Variants in GSR observed in about 807,000 individuals in gnomAD.
GSR encodes the protein glutathione reductase, mitochondrial.
GSR carries 48 observed loss-of-function variants against 56.5 expected under a neutral mutation model. The observed-to-expected ratio is 0.85, with a 90% CI of 0.67 to 1.08. The LOEUF (loss-of-function observed/expected upper bound fraction) is 1.08. GSR is among the 50% of genes least tolerant of loss of function. GSR has a pLI of 0.00. For missense variants in GSR, 694 were observed against 703.3 expected, an observed-to-expected ratio of 0.99 and a Z score of 0.15; for synonymous variants, 264 against 270.8, an observed-to-expected ratio of 0.97 and a Z score of 0.25.
intron 7 of GSR, among the ~76,000 whole-genome samples, chr8:30,694,888 ACT>A (rs1157899728): frequency 8.7e-6 from 1 of 114,438 alleles, no homozygotes; most frequent in Non-Finnish European, 1.8e-5. Context: ...ACACAGTGAG[ACT>A]CTGTCTCAAA....
chr8:30,710,437 C>T (rs1448379169), intron 2 of GSR, among the ~76,000 whole-genome samples: 1 of 151,158 alleles, frequency 6.6e-6, no homozygotes, highest in East Asian at 1.9e-4. Flanking sequence ...AAACACAAGG[C>T]CGGGCACAGT....
intron 2 of GSR, among the ~76,000 whole-genome samples, chr8:30,711,010 A>G (rs1014282206): frequency 2.6e-5 from 4 of 152,124 alleles, no homozygotes; most frequent in African/African-American, 9.7e-5. Flanking sequence ...CTCCAAGTAG[A>G]ACAGATTACA....
chr8:30,711,705 C>A, intron 2 of GSR, among the ~76,000 whole-genome samples: 1 of 152,038 alleles, frequency 6.6e-6, no homozygotes, highest in Non-Finnish European at 1.5e-5. Flanking sequence ...CAGTGGCGCA[C>A]GCCTGTCATC....
Position 30,709,875 on chromosome 8 carries a change from C to T in GSR, c.361G>A (p.Glu121Lys). The change falls in exon 3 of 13, where the codon GAA becomes AAA. Residue 121 changes from glutamate (E) to lysine (K), a missense_variant. Glu to Lys is a moderately conservative substitution (Grantham distance 56). Transcript: ENST00000221130. ...KVMWNTAVHS[E>K]FMHDHADYGF... ...TAATCAGCATGATCATGCATGAATT[C>T]AGAGTGGACAGCTGTGTTCCACATT... 4.2e-6 allele frequency: 6 copies of T among 1,441,782 alleles called. No homozygotes were observed. Among genetic ancestry groups the T allele is most frequent in the Non-Finnish European group, 5.8e-6 (6 of 1,034,330 alleles). 89.3% of individuals were successfully genotyped at this position (1,441,782 alleles called of 1,614,324 possible). A position where few individuals can be genotyped will look rare whatever the true frequency, so the allele number is the denominator to read the frequency against.
chr8:30,686,616 G>A (rs1423035062), intron 9 of GSR, among the ~76,000 whole-genome samples: 1 of 152,106 alleles, frequency 6.6e-6, no homozygotes, highest in Non-Finnish European at 1.5e-5. Context: ...GAGCCCAGGA[G>A]TTTGATGCTG....
intron 4 of GSR, among the ~76,000 whole-genome samples, chr8:30,705,100 T>A (rs1454627331): frequency 6.6e-6 from 1 of 151,298 alleles, no homozygotes; most frequent in African/African-American, 2.4e-5. Context: ...TTTTCCTACC[T>A]CTTTTGCAAA....
Position 30,679,167 on chromosome 8 carries a change from AAG to A in GSR, c.*351_*352del. The A allele has an allele frequency of 4.6e-6, 1 of 215,602 alleles. No homozygotes were observed. Among genetic ancestry groups the A allele is most frequent in the Non-Finnish European group, 9.2e-6 (1 of 108,158 alleles). 13.4% of individuals were successfully genotyped at this position (215,602 alleles called of 1,614,324 possible). On this transcript the variant is annotated 3_prime_UTR_variant, in exon 13 of 13. Transcript: ENST00000221130. ...TCTGTCTCAAAAAAAAAAAAAAAAA[AAG>A]TAGCAAGTTCTATTCATTCAAGTAC...
chr8:30,696,462 C>T lies in GSR; in HGVS notation c.713G>A (p.Gly238Asp). The change falls in exon 7 of 13, where the codon GGT (glycine) becomes GAT (aspartate). Residue 238 changes from glycine to aspartate, a missense_variant. By Grantham distance (94) the Gly-to-Asp change is moderately conservative. Coordinates refer to ENST00000221130, the MANE Select transcript of GSR (RefSeq NM_000637.5). ...EELPGRSVIV[G>D]AGYIAVEMAG... ...CATCTCCACAGCAATGTAACCTGCA[C>T]CAACAATGACGCTGCGGCTGAGACG... The T allele has an allele frequency of 6.2e-7, 1 of 1,612,274 alleles. No individual in the cohort carries two copies. The highest frequency in any genetic ancestry group is 8.5e-7 in the Non-Finnish European group (1 of 1,178,326).
intron 1 of GSR, 42 bp from the exon 2 acceptor site, chr8:30,712,130 T>A: frequency 9.2e-7 from 1 of 1,081,620 alleles, no homozygotes; most frequent in Non-Finnish European, 1.4e-6. Context: ...AATATTGAAT[T>A]CAAACCATCA....
chr8:30,700,788 G>C (rs574811710), intron 5 of GSR, among the ~76,000 whole-genome samples: 1 of 144,868 alleles, frequency 6.9e-6, no homozygotes, highest in South Asian at 2.2e-4. Context: ...TTCTTTCAAA[G>C]GTTTCAACCT....
At chr8:30,722,137 G>C (rs1237447384) in intron 1 of GSR, among the ~76,000 whole-genome samples, 1 of 152,160 alleles carries the variant, frequency 6.6e-6, no homozygotes. Context: ...TGGGTTTTGA[G>C]GCAGATGGCA....
At chr8:30,716,840 C>T (rs1804348937) in intron 1 of GSR, among the ~76,000 whole-genome samples, 1 of 152,008 alleles carries the variant, frequency 6.6e-6, no homozygotes, top group East Asian at 1.9e-4. Flanking sequence ...CCAGTGAGAG[C>T]TGGGGAGGCC....
At chr8:30,724,447 C>T (rs1804656480) in intron 1 of GSR, among the ~76,000 whole-genome samples, 2 of 151,680 alleles carry the variant, frequency 1.3e-5, no homozygotes, top group Non-Finnish European at 2.9e-5. Flanking sequence ...ACTCTGTGCT[C>T]CAAATTTGAT....
chr8:30,681,062 T>A, intron 11 of GSR, 25 bp from the exon 12 acceptor site: 1 of 1,592,204 alleles, frequency 6.3e-7, no homozygotes. Flanking sequence ...AAAAAAAGCA[T>A]CTATCAGAAA....
chr8:30,683,855 T>C (rs1179086162), intron 10 of GSR, among the ~76,000 whole-genome samples: 1 of 152,006 alleles, frequency 6.6e-6, no homozygotes, highest in Non-Finnish European at 1.5e-5. Flanking sequence ...CCGCAACGGG[T>C]GATCATATTG....
At chr8:30,683,986 C>G (rs1255586876) in intron 10 of GSR, 102 bp downstream of exon 10, 1 of 779,562 alleles carries the variant, frequency 1.3e-6, no homozygotes, top group Admixed American at 1.7e-5. Flanking sequence ...AGACACTCAT[C>G]CTTTTAACTT....
intron 10 of GSR, among the ~76,000 whole-genome samples, chr8:30,682,619 C>T (rs1229085600): frequency 6.6e-6 from 1 of 152,130 alleles, no homozygotes; most frequent in Non-Finnish European, 1.5e-5. Context: ...ACCTGTCTGG[C>T]CCCACTCCCA....
chr8:30,715,191 G>A (rs1458403503), intron 1 of GSR, among the ~76,000 whole-genome samples: 1 of 152,120 alleles, frequency 6.6e-6, no homozygotes, highest in South Asian at 2.1e-4. Context: ...TATTCAGGAG[G>A]CTGAGGCGGA....
intron 8 of GSR, among the ~76,000 whole-genome samples, chr8:30,690,044 T>TACATATATAAATATTTATATGTATATA (rs1803320523): frequency 1.4e-5 from 2 of 142,658 alleles, no homozygotes; most frequent in Admixed American, 1.5e-4. Context: ...ATGTATATTA[T>TACATATATAAATATTTATATGTATATA]ATATAAATAT....
Sources: allele counts gnomAD v4.1 joint callset (sites outside exome capture counted in the v4.1 genomes callset), GRCh38; gene constraint gnomAD v4.1.1; transcripts MANE v1.5; gene names NCBI Gene and HGNC (gene_info 2026-07-23, HGNC 2026-07-21).